The following FBXL17 variants were observed in gnomAD, a reference collection of about 807,000 sequenced individuals.
FBXL17 encodes the protein F-box and leucine rich repeat protein 17, also known as F-box/LRR-repeat protein 17.
FBXL17 carries 22 observed loss-of-function variants against 66.2 expected under a neutral mutation model. The ratio of observed to expected loss-of-function variants is 0.33; its 90% confidence interval spans 0.24 to 0.47. The LOEUF is 0.47. Among genes scored for constraint, FBXL17 ranks in the 20% least tolerant of loss-of-function variants. FBXL17 has a pLI of 1.00. For missense variants in FBXL17, 878 were observed against 948.2 expected, an observed-to-expected ratio of 0.93 and a Z score of 0.97; for synonymous variants, 474 against 400.5, an observed-to-expected ratio of 1.18 and a Z score of -2.19.
rs943226618 is a variant in FBXL17, at chr5:108,381,029, G to A, written c.663C>T (p.Gly221=). The change falls in exon 1 of 9, where the codon GGC becomes GGT. Residue 221 remains glycine (G), a synonymous_variant. Transcript: ENST00000542267. Reference sequence around the variant, plus strand: ...CCCCGCCACCGCCGCCGCCGCCGCCGCCGCAGCCCCCGCCGCCGCAGCGGG... The same window carrying A: ...CCCCGCCACCGCCGCCGCCGCCGCCACCGCAGCCCCCGCCGCCGCAGCGGG... ...KQPRCGGGGC[G]GGGGGGGGGG... is the part of the protein sequence containing the mutation. 33 of 1,190,350 alleles carry A rather than the reference G, an allele frequency of 2.8e-5. No individual in the cohort carries two copies. The African/African-American group carries it at 4.8e-4, about 17-fold the overall frequency. The allele number at this position is 1,190,350 out of a possible 1,614,324, so 73.7% of individuals were successfully genotyped here. A position where few individuals can be genotyped will look rare whatever the true frequency, so the allele number is the denominator to read the frequency against.
intron 5 of FBXL17, among the ~76,000 whole-genome samples, chr5:108,212,515 T>A (rs543005662): frequency 3.0e-4 from 46 of 152,288 alleles, no homozygotes; most frequent in African/African-American, 1.1e-3. Context: ...ATGGGGTCTT[T>A]GAGTCGACAT....
intron 5 of FBXL17, among the ~76,000 whole-genome samples, chr5:108,209,284 C>T (rs1580617970): frequency 6.6e-6 from 1 of 152,214 alleles, no homozygotes; most frequent in Admixed American, 6.5e-5. Context: ...TCCTCTCTTC[C>T]TATCTGAATA....
intron 7 of FBXL17, among the ~76,000 whole-genome samples, chr5:107,961,164 C>G (rs1158242066): frequency 6.6e-6 from 1 of 151,978 alleles, no homozygotes; most frequent in Non-Finnish European, 1.5e-5. Context: ...TAGGTGCTGT[C>G]AGCTGCTTTT....
At chr5:108,301,663 G>A (rs1471447435) in intron 4 of FBXL17, among the ~76,000 whole-genome samples, 1 of 151,704 alleles carries the variant, frequency 6.6e-6, no homozygotes, top group African/African-American at 2.4e-5. Flanking sequence ...TGGATGGAAT[G>A]TGAGTGATAA....
At position 108,186,155 on chromosome 5, in the gene FBXL17, G is replaced by C. The variant is rs1167502764; in HGVS notation, c.1707C>G (p.Ser569Arg). 1 of 1,611,998 alleles carries C rather than the reference G, an allele frequency of 6.2e-7. No individual in the cohort carries two copies. Among genetic ancestry groups the C allele is most frequent in the Admixed American group, 1.7e-5 (1 of 59,990 alleles). Residue 569 changes from serine (S) to arginine (R), a missense_variant, in exon 6 of 9, where the codon AGC becomes AGG. By Grantham distance (110) the Ser-to-Arg change is moderately radical (BLOSUM62 -1). This residue lies in a region of FBXL17 where 236 missense variants were observed against 389.1 expected (regional missense o/e 0.61). Coordinates refer to ENST00000542267, the MANE Select transcript of FBXL17 (RefSeq NM_001163315.3). ...TCCAGTTCAGACAGAGATTGAGAGA[G>C]CTAAGATTTTTGCACCTCTTGACAA... ...MEIVKRCKNL[S>R]SLNLCLNWII...
chr5:108,366,730 A>G (rs1748691131), intron 2 of FBXL17, among the ~76,000 whole-genome samples: 1 of 152,074 alleles, frequency 6.6e-6, no homozygotes, highest in African/African-American at 2.4e-5. Context: ...TTCTCCTTGG[A>G]TATAAAGGTC....
intron 8 of FBXL17, among the ~76,000 whole-genome samples, chr5:107,871,655 C>A (rs1748458103): frequency 6.6e-6 from 1 of 151,502 alleles, no homozygotes; most frequent in Non-Finnish European, 1.5e-5. Context: ...AGATGAGAAC[C>A]AGAACATACA....
intron 4 of FBXL17, among the ~76,000 whole-genome samples, chr5:108,292,910 G>A (rs1758174189): frequency 6.6e-6 from 1 of 152,116 alleles, no homozygotes; most frequent in African/African-American, 2.4e-5. Flanking sequence ...CTAACATGGT[G>A]AAACCCCATC....
At chr5:107,870,829 C>T (rs1228173742) in intron 8 of FBXL17, among the ~76,000 whole-genome samples, 3 of 151,844 alleles carry the variant, frequency 2.0e-5, no homozygotes, top group African/African-American at 7.3e-5. Flanking sequence ...TCGTGATCTA[C>T]CCGCCTCAGC....
intron 7 of FBXL17, among the ~76,000 whole-genome samples, chr5:107,890,683 T>G (rs1749170804): frequency 6.7e-6 from 1 of 149,778 alleles, no homozygotes. Context: ...AAAAAAAAAT[T>G]GTCTAACCTA....
chr5:108,339,791 C>A (rs1360849225), intron 4 of FBXL17, among the ~76,000 whole-genome samples: 3 of 152,132 alleles, frequency 2.0e-5, no homozygotes, highest in Non-Finnish European at 4.4e-5. Context: ...GCATTATCCA[C>A]ACTGGGATAT....
chr5:107,954,179 G>GA (rs1035144302), intron 7 of FBXL17, among the ~76,000 whole-genome samples: 3 of 152,176 alleles, frequency 2.0e-5, no homozygotes, highest in Non-Finnish European at 4.4e-5. Context: ...CCTCTTAAAA[G>GA]AACATTTTAT....
intron 1 of FBXL17, among the ~76,000 whole-genome samples, chr5:108,374,640 C>T (rs1161923071): frequency 6.6e-6 from 1 of 152,006 alleles, no homozygotes; most frequent in Non-Finnish European, 1.5e-5. Flanking sequence ...CACACCACTG[C>T]ACTCCAGCCT....
chr5:107,907,175 C>T (rs1258785140), intron 7 of FBXL17, among the ~76,000 whole-genome samples: 1 of 152,190 alleles, frequency 6.6e-6, no homozygotes, highest in African/African-American at 2.4e-5. Flanking sequence ...TTACACTTCA[C>T]ACATTGACCT....
chr5:108,146,101 G>C (rs286800), intron 6 of FBXL17, among the ~76,000 whole-genome samples: 2 of 151,798 alleles, frequency 1.3e-5, no homozygotes, highest in African/African-American at 2.4e-5. Flanking sequence ...GCGTGATAGC[G>C]GGCACCTGCA....
intron 4 of FBXL17, among the ~76,000 whole-genome samples, chr5:108,231,728 G>T (rs927742374): frequency 6.6e-6 from 1 of 152,128 alleles, no homozygotes; most frequent in Non-Finnish European, 1.5e-5. Context: ...GGGTTACAGT[G>T]TTGGCTGGGG....
intron 8 of FBXL17, among the ~76,000 whole-genome samples, chr5:107,871,493 G>C (rs1748452799): frequency 6.6e-6 from 1 of 152,120 alleles, no homozygotes; most frequent in South Asian, 2.1e-4. Context: ...TTCATTCCCT[G>C]TATCACCAAG....
At chr5:108,360,580 T>C (rs1473557693) in intron 3 of FBXL17, among the ~76,000 whole-genome samples, 2 of 152,112 alleles carry the variant, frequency 1.3e-5, no homozygotes, top group Non-Finnish European at 2.9e-5. Context: ...TTTGACATTA[T>C]CCTCCCTGAA....
intron 5 of FBXL17, among the ~76,000 whole-genome samples, chr5:108,223,186 C>A (rs1218221463): frequency 6.6e-6 from 1 of 152,104 alleles, no homozygotes; most frequent in Non-Finnish European, 1.5e-5. Context: ...CTAGGTAACT[C>A]ATAAACATTT....
Sources: gnomAD v4.1 joint callset for allele counts (sites outside exome capture counted in the v4.1 genomes callset) on GRCh38, gnomAD v4.1.1 for gene constraint, gnomAD v4.1.1 regional missense constraint, MANE v1.5 for transcripts, NCBI Gene and HGNC (gene_info 2026-07-23, HGNC 2026-07-21) for gene names.